The following ASTN2 variants were observed in gnomAD, a reference collection of about 807,000 sequenced individuals.
The protein encoded by ASTN2 is astrotactin 2.
A neutral mutation model predicts 139.8 loss-of-function variants in ASTN2; 54 were observed. The ratio of observed to expected loss-of-function variants is 0.39; its 90% CI spans 0.31 to 0.48. The LOEUF is 0.48. ASTN2 is among the 20% of genes least tolerant of loss of function. ASTN2 has a pLI of 0.95. For synonymous variants in ASTN2, 756 were observed against 719.5 expected, an observed-to-expected ratio of 1.05 and a Z score of -0.81; for missense variants, 1,565 against 1,725.1, an observed-to-expected ratio of 0.91 and a Z score of 1.64.
At chr9:116,598,742 C>T (rs1026029617) in intron 19 of ASTN2, among the ~76,000 whole-genome samples, 2 of 152,196 alleles carry the variant, frequency 1.3e-5, no homozygotes, top group African/African-American at 4.8e-5. Context: ...ACTCATTAGA[C>T]TTCTACTTTA....
chr9:116,658,987 G>C (rs1858398001), intron 16 of ASTN2, among the ~76,000 whole-genome samples: 1 of 152,058 alleles, frequency 6.6e-6, no homozygotes, highest in Non-Finnish European at 1.5e-5. Context: ...TAATAGATTA[G>C]ATGTGGTCTG....
At chr9:116,533,982 A>G (rs1182457210) in intron 19 of ASTN2, among the ~76,000 whole-genome samples, 2 of 152,180 alleles carry the variant, frequency 1.3e-5, no homozygotes, top group Non-Finnish European at 2.9e-5. Context: ...CTGTGAATCC[A>G]TCTGGTCCTG....
rs942542400 is a variant in ASTN2, at chr9:117,093,867, T to C, written c.1276+2177A>G. On this transcript the variant is annotated intron_variant, in intron 5 of 22. Coordinates refer to ENST00000313400, the MANE Select transcript of ASTN2 (RefSeq NM_001365068.1). ...CCTGCAAAAAGCGTAGGGTAATTCA[T>C]GCTCACTGAATCTAAGCATTCAATT... is the stretch of plus-strand genomic sequence containing the variant. 3.3e-5 allele frequency among the ~76,000 whole-genome samples: 5 copies of C among 152,300 alleles called. No homozygotes were observed. In the South Asian group the frequency reaches 8.3e-4, roughly 25 times the overall value.
intron 20 of ASTN2, among the ~76,000 whole-genome samples, chr9:116,459,597 T>C (rs1848425840): frequency 6.6e-6 from 1 of 152,002 alleles, no homozygotes; most frequent in Admixed American, 6.6e-5. Context: ...GGACAAAAGA[T>C]TTAGACATTT....
intron 2 of ASTN2, among the ~76,000 whole-genome samples, chr9:117,215,838 A>G (rs761627167): frequency 6.6e-6 from 1 of 152,126 alleles, no homozygotes; most frequent in African/African-American, 2.4e-5. Flanking sequence ...ACTTTGCTGA[A>G]TGCCTGCTGT....
At chr9:116,836,099 G>C (rs1831981612) in intron 11 of ASTN2, among the ~76,000 whole-genome samples, 1 of 152,128 alleles carries the variant, frequency 6.6e-6, no homozygotes, top group Admixed American at 6.5e-5. Flanking sequence ...CTTTTCAGCT[G>C]GATGAGGTAG....
At chr9:116,657,423 G>A (rs1192988634) in intron 16 of ASTN2, among the ~76,000 whole-genome samples, 1 of 152,134 alleles carries the variant, frequency 6.6e-6, no homozygotes, top group Non-Finnish European at 1.5e-5. Context: ...TGAAATTTCT[G>A]TTCAGACACC....
chr9:117,186,460 T>C (rs943153421), intron 3 of ASTN2, among the ~76,000 whole-genome samples: 8 of 152,036 alleles, frequency 5.3e-5, no homozygotes, highest in African/African-American at 1.7e-4. Flanking sequence ...AGCAGGAGAA[T>C]GGTGCGGGCC....
chr9:116,735,369 C>T (rs927215292), intron 13 of ASTN2, among the ~76,000 whole-genome samples: 1 of 152,170 alleles, frequency 6.6e-6, no homozygotes, highest in Admixed American at 6.5e-5. Context: ...GATGGAAGTA[C>T]CACCACATAG....
chr9:117,066,612 T>C (rs1011238623), intron 5 of ASTN2, among the ~76,000 whole-genome samples: 1 of 151,158 alleles, frequency 6.6e-6, no homozygotes, highest in Non-Finnish European at 1.5e-5. Context: ...CCACAATGGT[T>C]GAACTAGTTT....
At chr9:117,071,752 C>T (rs554602906) in intron 5 of ASTN2, among the ~76,000 whole-genome samples, 191 of 151,112 alleles carry the variant, frequency 1.3e-3, no homozygotes, top group Non-Finnish European at 2.4e-3. Flanking sequence ...GCGCAATACT[C>T]GGGTGGGAGT....
At chr9:117,141,628 A>G in intron 3 of ASTN2, 150 bp from the exon 4 acceptor site, 1 of 541,972 alleles carries the variant, frequency 1.8e-6, no homozygotes. Flanking sequence ...TCCCTGACCC[A>G]TTGAAGATAT....
chr9:116,936,243 C>T (rs373364140), intron 10 of ASTN2, among the ~76,000 whole-genome samples: 3 of 143,392 alleles, frequency 2.1e-5, no homozygotes, highest in African/African-American at 2.6e-5. Context: ...TCACCACCAC[C>T]ACCACCATCA....
In ASTN2 at chr9:117,034,024, T is replaced by C. The variant is rs1449768832; in HGVS notation, c.1423+5795A>G. ...AGAGGTCATTAGGTATCTACAGTGCTTTTTCAATCTTGTGGCTGCCAAATC... is the reference window on the plus strand; with the variant it reads ...AGAGGTCATTAGGTATCTACAGTGCCTTTTCAATCTTGTGGCTGCCAAATC... On this transcript the variant is annotated intron_variant, in intron 6 of 22. Coordinates refer to ENST00000313400, the MANE Select transcript of ASTN2 (RefSeq NM_001365068.1). 3.9e-5 allele frequency among the ~76,000 whole-genome samples: 6 copies of C among 152,168 alleles called. No individual in the cohort carries two copies. The South Asian group carries it at 1.2e-3, about 31-fold the overall frequency.
At chr9:117,194,350 C>A (rs1398195533) in intron 3 of ASTN2, among the ~76,000 whole-genome samples, 1 of 152,164 alleles carries the variant, frequency 6.6e-6, no homozygotes, top group Non-Finnish European at 1.5e-5. Context: ...TTTATTAGCT[C>A]CTCTAAGAAA....
intron 19 of ASTN2, among the ~76,000 whole-genome samples, chr9:116,545,342 C>T (rs2119373219): frequency 6.6e-6 from 1 of 152,326 alleles, no homozygotes; most frequent in South Asian, 2.1e-4. Flanking sequence ...TTGGAGTCTC[C>T]ACATGTACCC....
chr9:117,173,981 A>AG (rs869275600), intron 3 of ASTN2, among the ~76,000 whole-genome samples: 2 of 28,224 alleles, frequency 7.1e-5, no homozygotes, highest in African/African-American at 2.1e-4. Context: ...AACCAAGAAC[A>AG]AAAAAAACAC....
At chr9:117,249,169 T>C (rs951967053) in intron 2 of ASTN2, among the ~76,000 whole-genome samples, 16 of 152,178 alleles carry the variant, frequency 1.1e-4, no homozygotes, top group African/African-American at 3.6e-4. Context: ...TCGTATGAAG[T>C]TCTTCAAGTA....
chr9:116,490,303 A>AAAAAAAAAAAAAAAAAAAAAAT (rs1564314423), intron 19 of ASTN2, among the ~76,000 whole-genome samples: 3 of 104,578 alleles, frequency 2.9e-5, no homozygotes, highest in Non-Finnish European at 4.0e-5. Flanking sequence ...AAAAAAAAAA[A>AAAAAAAAAAAAAAAAAAAAAAT]GGGGGCATTG....
Sources: allele counts gnomAD v4.1 joint callset (sites outside exome capture counted in the v4.1 genomes callset), GRCh38; gene constraint gnomAD v4.1.1; transcripts MANE v1.5; gene names NCBI Gene and HGNC (gene_info 2026-07-23, HGNC 2026-07-21).